The following FRS2 variants were observed in gnomAD, a reference collection of about 807,000 sequenced individuals.
FRS2 encodes the protein FGFR signalling adaptor.
A neutral mutation model predicts 43.9 loss-of-function variants in FRS2; 8 were observed. The observed-to-expected ratio is 0.18, with a 90% CI of 0.11 to 0.33. The LOEUF is 0.33. FRS2 is among the 10% of genes least tolerant of loss of function. The pLI, the probability that FRS2 is intolerant of heterozygous loss-of-function variation, is 1.00. For synonymous variants in FRS2, 219 were observed against 220.3 expected (o/e 0.99, Z 0.05); for missense variants, 534 against 627.6 (o/e 0.85, Z 1.59).
intron 1 of FRS2, among the ~76,000 whole-genome samples, chr12:69,473,731 G>T (rs187473435): frequency 6.6e-6 from 1 of 152,174 alleles, no homozygotes; most frequent in Non-Finnish European, 1.5e-5. Flanking sequence ...TAAATACTGG[G>T]CAAGGGCAGT....
rs746921030 is a variant in FRS2 at position 69,574,526 on chromosome 12, G to A, written c.1098G>A (p.Arg366=). Residue 366 remains arginine (R), a synonymous_variant, in exon 9 of 9, where the codon AGG becomes AGA. Coordinates refer to ENST00000549921, the MANE Select transcript of FRS2 (RefSeq NM_001278356.2). ...PPVWEARKLS[R]DEDDNLGPKT... is the part of the protein sequence containing the mutation. ...TTTGGGAAGCCCGCAAGCTAAGTAG[G>A]GATGAAGATGACAATTTAGGACCAA... is the stretch of plus-strand genomic sequence containing the variant. 11 of 1,613,868 alleles carry A rather than the reference G, an allele frequency of 6.8e-6. No individual in the cohort carries two copies. The highest frequency in any genetic ancestry group is 1.1e-5 in the South Asian group (1 of 91,076).
chr12:69,553,794 T>A (rs769138996), intron 3 of FRS2, among the ~76,000 whole-genome samples: 1 of 152,074 alleles, frequency 6.6e-6, no homozygotes, highest in Non-Finnish European at 1.5e-5. Context: ...AGAAAAACTT[T>A]GGGAACATAT....
chr12:69,491,798 G>A (rs2120943002), intron 1 of FRS2: 1 of 152,118 alleles, frequency 6.6e-6, no homozygotes, highest in East Asian at 1.9e-4. Context: ...CACAGTGCTG[G>A]GGCTATGTTT....
chr12:69,478,724 A>ATG (rs59945124), intron 1 of FRS2, among the ~76,000 whole-genome samples: 14,234 of 146,168 alleles, frequency 0.097, 867 homozygotes, highest in Non-Finnish European at 0.14. Context: ...ATACATCATT[A>ATG]TGTGTGTGTG....
At position 69,561,265 on chromosome 12, in the gene FRS2, A is replaced by G. The variant is rs570588778; in HGVS notation, c.-121-915A>G. Among the ~76,000 whole-genome samples the G allele has an allele frequency of 2.0e-5, 3 of 152,330 alleles. No homozygotes were observed. The East Asian group carries it at 5.8e-4, about 29-fold the overall frequency. ...AGCATCTCACAAGGAGTGTAAGCCA[A>G]CACCTGGCATGCTGATTTTATATAT... On this transcript the variant is annotated intron_variant, in intron 3 of 8. Transcript: ENST00000549921.
chr12:69,501,944 CCTAT>C (rs1412088563), intron 1 of FRS2, among the ~76,000 whole-genome samples: 2 of 151,796 alleles, frequency 1.3e-5, no homozygotes, highest in Non-Finnish European at 1.5e-5. Flanking sequence ...TGGAGAAACA[CCTAT>C]CTGTTTTTTT....
chr12:69,573,325 T>C (rs1018087321), intron 8 of FRS2, among the ~76,000 whole-genome samples: 2 of 152,144 alleles, frequency 1.3e-5, no homozygotes, highest in Non-Finnish European at 2.9e-5. Flanking sequence ...TCAAAGTCGT[T>C]ATTTATTTCT....
intron 1 of FRS2, among the ~76,000 whole-genome samples, chr12:69,506,697 C>T (rs533159479): frequency 2.0e-5 from 3 of 152,230 alleles, no homozygotes; most frequent in Non-Finnish European, 4.4e-5. Flanking sequence ...TAGTTTACTT[C>T]TTAGTCATTT....
chr12:69,567,657 A>G (rs1265501131), intron 4 of FRS2, among the ~76,000 whole-genome samples: 2 of 152,216 alleles, frequency 1.3e-5, no homozygotes, highest in African/African-American at 4.8e-5. Flanking sequence ...ACATAATAGT[A>G]TAACTTGCCT....
intron 3 of FRS2, among the ~76,000 whole-genome samples, chr12:69,541,213 A>C (rs989946838): frequency 3.9e-5 from 6 of 152,210 alleles, no homozygotes; most frequent in African/African-American, 1.4e-4. Flanking sequence ...TAAAAAATTT[A>C]GTAAAGGAGG....
intron 1 of FRS2, among the ~76,000 whole-genome samples, chr12:69,500,987 C>G (rs1873387962): frequency 6.6e-6 from 1 of 152,072 alleles, no homozygotes; most frequent in Non-Finnish European, 1.5e-5. Flanking sequence ...TTAAATCATT[C>G]TACTTTTCTG....
rs146065417 is a variant in FRS2 at position 69,534,791 on chromosome 12, A to G, written c.-122+2735A>G. Among the ~76,000 whole-genome samples, 5 of 152,326 alleles carry G rather than the reference A, an allele frequency of 3.3e-5. No homozygotes were observed. In the East Asian group the frequency reaches 9.6e-4, roughly 29 times the overall value. On this transcript the variant is annotated intron_variant, in intron 3 of 8. Coordinates refer to ENST00000549921, the MANE Select transcript of FRS2 (RefSeq NM_001278356.2). ...GTTTTCATGTAAGCCACAGGCTTAC[A>G]GTTTAGATGAAAAAGGTCTGCCTTG...
intron 1 of FRS2, among the ~76,000 whole-genome samples, chr12:69,481,441 A>T (rs1871336924): frequency 6.8e-6 from 1 of 147,666 alleles, no homozygotes; most frequent in Admixed American, 6.8e-5. Flanking sequence ...TGCCCAGCTG[A>T]TTTTTTTTTT....
At chr12:69,516,248 C>A (rs1481014096) in intron 1 of FRS2, among the ~76,000 whole-genome samples, 3 of 145,154 alleles carry the variant, frequency 2.1e-5, no homozygotes, top group Admixed American at 6.9e-5. Flanking sequence ...GACGGAGTTT[C>A]GCTCTTGTTG....
At chr12:69,570,732 T>G (rs935518042) in intron 6 of FRS2, among the ~76,000 whole-genome samples, 1 of 152,216 alleles carries the variant, frequency 6.6e-6, no homozygotes, top group African/African-American at 2.4e-5. Context: ...ACTTTAAGAT[T>G]TTTCAGTAAA....
intron 1 of FRS2, among the ~76,000 whole-genome samples, chr12:69,511,555 G>T (rs955471191): frequency 2.6e-5 from 4 of 152,122 alleles, no homozygotes; most frequent in Admixed American, 6.5e-5. Flanking sequence ...AATTAGAAAC[G>T]TGATATTACT....
chr12:69,533,450 A>G (rs1046107815), intron 3 of FRS2, among the ~76,000 whole-genome samples: 2 of 152,060 alleles, frequency 1.3e-5, no homozygotes, highest in African/African-American at 4.8e-5. Flanking sequence ...CCTGGGTTCA[A>G]GTGATTTTCC....
chr12:69,503,235 GC>G (rs36040427), intron 1 of FRS2, among the ~76,000 whole-genome samples: 3 of 152,126 alleles, frequency 2.0e-5, no homozygotes, highest in African/African-American at 7.2e-5. Flanking sequence ...TTTGCCATAT[GC>G]CCCCCCTCCA....
intron 1 of FRS2, among the ~76,000 whole-genome samples, chr12:69,524,806 A>G (rs1876038334): frequency 6.6e-6 from 1 of 152,094 alleles, no homozygotes; most frequent in Admixed American, 6.5e-5. Flanking sequence ...GTCCCTGCCA[A>G]CTCAAGTGTC....
Sources: allele counts gnomAD v4.1 joint callset (sites outside exome capture counted in the v4.1 genomes callset), GRCh38; gene constraint gnomAD v4.1.1; transcripts MANE v1.5; gene names NCBI Gene and HGNC (gene_info 2026-07-23, HGNC 2026-07-21).